ZNF804A: variants seen among roughly 807,000 people sequenced by gnomAD.
ZNF804A encodes zinc finger protein 804A.
ZNF804A carries 2 observed loss-of-function variants against 16.5 expected under a neutral mutation model. That is an observed-to-expected ratio of 0.12 (90% CI 0.05 to 0.38). The LOEUF (loss-of-function observed/expected upper bound fraction) is 0.38, where lower values mean the gene tolerates loss of function less well. Among genes scored for constraint, ZNF804A ranks in the 10% least tolerant of loss-of-function variants. The pLI is 0.99. For missense variants in ZNF804A, 1,473 were observed against 1,390.7 expected (o/e 1.06, Z -0.94); for synonymous variants, 534 against 489.6 (o/e 1.09, Z -1.20).
chr2:184,759,250 G>A (rs1694004894), intron 1 of ZNF804A, among the ~76,000 whole-genome samples: 1 of 151,442 alleles, frequency 6.6e-6, no homozygotes, highest in Non-Finnish European at 1.5e-5. Context: ...TTGTAAAAGA[G>A]TGCATTGTTA....
chr2:184,837,001 C>T (rs1268694472), intron 1 of ZNF804A, among the ~76,000 whole-genome samples: 1 of 151,800 alleles, frequency 6.6e-6, no homozygotes, highest in Non-Finnish European at 1.5e-5. Flanking sequence ...TGCTGGAAAT[C>T]TGTTCACACA....
intron 1 of ZNF804A, among the ~76,000 whole-genome samples, chr2:184,746,786 A>T (rs1236180585): frequency 1.3e-5 from 2 of 151,484 alleles, no homozygotes; most frequent in Non-Finnish European, 3.0e-5. Context: ...CCCACAAATG[A>T]GTGAGAATAT....
intron 2 of ZNF804A, among the ~76,000 whole-genome samples, chr2:184,907,791 T>C (rs766459501): frequency 6.6e-6 from 1 of 152,176 alleles, no homozygotes; most frequent in African/African-American, 2.4e-5. Context: ...AATTATGCCA[T>C]ATAATTGCAC....
chr2:184,846,457 C>T (rs1695518730), intron 1 of ZNF804A, among the ~76,000 whole-genome samples: 1 of 152,050 alleles, frequency 6.6e-6, no homozygotes, highest in Non-Finnish European at 1.5e-5. Flanking sequence ...CAGTGAGACT[C>T]TTTGCAGAAT....
Position 184,938,004 on chromosome 2 carries a change from G to C in ZNF804A, c.2608G>C (p.Glu870Gln). 1.2e-6 allele frequency: 2 copies of C among 1,614,032 alleles called. No homozygotes were observed. The highest frequency in any genetic ancestry group is 1.7e-6 in the Non-Finnish European group (2 of 1,180,014). The stretch of plus-strand genomic sequence containing the variant: ...AGTTGCAAAAATCGAAAGGAACTCA[G>C]AACAAACAAACCAATTAAGAAACAA... ...QEVAKIERNSEQTNQLRNKLS... is the reference protein window; with the variant it reads ...QEVAKIERNSQQTNQLRNKLS... Residue 870 changes from glutamate to glutamine, a missense_variant, in exon 4 of 4, where the codon GAA becomes CAA. By Grantham distance (29) the Glu-to-Gln change is conservative. Transcript: ENST00000302277.
intron 2 of ZNF804A, among the ~76,000 whole-genome samples, chr2:184,914,346 C>G (rs1472725504): frequency 1.3e-5 from 2 of 152,124 alleles, no homozygotes; most frequent in Admixed American, 6.6e-5. Context: ...TTAGAAGCCC[C>G]TCAAGAACTA....
intron 1 of ZNF804A, among the ~76,000 whole-genome samples, chr2:184,642,842 C>A (rs1032562107): frequency 6.6e-6 from 1 of 152,114 alleles, no homozygotes; most frequent in East Asian, 1.9e-4. Flanking sequence ...AAGCTAGATT[C>A]TTTGCATGTT....
At chr2:184,787,504 A>T (rs1211531474) in intron 1 of ZNF804A, among the ~76,000 whole-genome samples, 1 of 143,118 alleles carries the variant, frequency 7.0e-6, no homozygotes, top group African/African-American at 2.9e-5. Flanking sequence ...TTCTCTGCAT[A>T]CCCACCAACA....
chr2:184,742,673 G>T (rs554226122), intron 1 of ZNF804A, among the ~76,000 whole-genome samples: 2 of 151,546 alleles, frequency 1.3e-5, no homozygotes, highest in East Asian at 3.9e-4. Flanking sequence ...TAAATTATTT[G>T]TTGGTCACCT....
At chr2:184,601,351 A>G (rs1355873930) in intron 1 of ZNF804A, among the ~76,000 whole-genome samples, 4 of 152,064 alleles carry the variant, frequency 2.6e-5, no homozygotes, top group Admixed American at 2.0e-4. Context: ...GATTCTTTAT[A>G]GCACATAGGA....
intron 1 of ZNF804A, among the ~76,000 whole-genome samples, chr2:184,762,381 T>C (rs1201240139): frequency 6.6e-6 from 1 of 151,894 alleles, no homozygotes; most frequent in Admixed American, 6.6e-5. Flanking sequence ...TCGCATAAGG[T>C]CATGCATGTT....
intron 1 of ZNF804A, among the ~76,000 whole-genome samples, chr2:184,703,233 T>G (rs1692957085): frequency 6.6e-6 from 1 of 152,174 alleles, no homozygotes; most frequent in African/African-American, 2.4e-5. Context: ...ACAATCACTG[T>G]TGCTAAAAAG....
chr2:184,795,715 C>T (rs1382333625), intron 1 of ZNF804A, among the ~76,000 whole-genome samples: 2 of 151,728 alleles, frequency 1.3e-5, no homozygotes, highest in Admixed American at 6.6e-5. Flanking sequence ...TCCAAATAAC[C>T]TCACTAAGAA....
chr2:184,614,633 C>A (rs984530115), intron 1 of ZNF804A, among the ~76,000 whole-genome samples: 16 of 152,138 alleles, frequency 1.1e-4, no homozygotes, highest in Non-Finnish European at 2.1e-4. Context: ...TATGTGGTAA[C>A]CCTGCTAAAT....
chr2:184,696,717 C>A (rs1426665995), intron 1 of ZNF804A, among the ~76,000 whole-genome samples: 1 of 151,896 alleles, frequency 6.6e-6, no homozygotes, highest in Non-Finnish European at 1.5e-5. Context: ...ATGAAAAATA[C>A]CACCCTTAGT....
Position 184,939,149 on chromosome 2 carries a change from T to C in ZNF804A, c.*123T>C, listed in dbSNP as rs145975390. 1.4e-4 allele frequency: 173 copies of C among 1,270,428 alleles called. No individual in the cohort carries two copies. The African/African-American group carries it at 2.2e-3, about 16-fold the overall frequency. The allele number at this position is 1,270,428 out of a possible 1,614,324, so 78.7% of individuals were successfully genotyped here. On this transcript the variant is annotated 3_prime_UTR_variant, in exon 4 of 4. Coordinates refer to ENST00000302277, the MANE Select transcript of ZNF804A (RefSeq NM_194250.2). ...ATAAACTGGCCGATACATGGCGTCA[T>C]TGGTTTGAAATCATTTACTGTAAGT...
intron 1 of ZNF804A, among the ~76,000 whole-genome samples, chr2:184,831,601 A>T (rs2105795878): frequency 6.6e-6 from 1 of 152,188 alleles, no homozygotes; most frequent in Non-Finnish European, 1.5e-5. Flanking sequence ...TGAATCAGGA[A>T]CTGCCTGTTG....
intron 2 of ZNF804A, among the ~76,000 whole-genome samples, chr2:184,913,573 T>C (rs1401652677): frequency 6.6e-6 from 1 of 152,142 alleles, no homozygotes; most frequent in Non-Finnish European, 1.5e-5. Flanking sequence ...TTTTTCCAGG[T>C]AGGGGATTGG....
At chr2:184,916,032 A>C (rs1391683113) in intron 2 of ZNF804A, among the ~76,000 whole-genome samples, 1 of 152,204 alleles carries the variant, frequency 6.6e-6, no homozygotes, top group Non-Finnish European at 1.5e-5. Flanking sequence ...GCATAGTGTC[A>C]TTGAAGAGAG....
Sources: allele counts gnomAD v4.1 joint callset (sites outside exome capture counted in the v4.1 genomes callset), GRCh38; gene constraint gnomAD v4.1.1; transcripts MANE v1.5; gene names NCBI Gene and HGNC (gene_info 2026-07-23, HGNC 2026-07-21).